GRIA2: variants seen among roughly 807,000 people sequenced by gnomAD.
GRIA2 encodes the protein glutamate ionotropic receptor AMPA type subunit 2.
In GRIA2, 14 loss-of-function variants were observed where a neutral mutation model predicts 97.3. The ratio of observed to expected loss-of-function variants is 0.14; its 90% CI spans 0.10 to 0.23. The LOEUF is 0.23. Among genes scored for constraint, GRIA2 ranks in the 10% least tolerant of loss-of-function variants. The pLI, the probability that GRIA2 is intolerant of heterozygous loss-of-function variation, is 1.00. For missense variants in GRIA2, 558 were observed against 1,069.8 expected (o/e 0.52, Z 6.67); for synonymous variants, 412 against 387.8 (o/e 1.06, Z -0.73).
At chr4:157,299,783 A>G (rs1733532321) in intron 2 of GRIA2, among the ~76,000 whole-genome samples, 1 of 152,198 alleles carries the variant, frequency 6.6e-6, no homozygotes, top group Non-Finnish European at 1.5e-5. Flanking sequence ...TGAGTTTCTC[A>G]AAGTTGATAT....
At chr4:157,359,474 A>G (rs979894010) in intron 12 of GRIA2, among the ~76,000 whole-genome samples, 1 of 152,144 alleles carries the variant, frequency 6.6e-6, no homozygotes, top group East Asian at 1.9e-4. Flanking sequence ...CACCACTTAC[A>G]TGCCTGACCA....
At chr4:157,276,604 A>G (rs1396084184) in intron 2 of GRIA2, among the ~76,000 whole-genome samples, 2 of 151,858 alleles carry the variant, frequency 1.3e-5, no homozygotes, top group Admixed American at 6.6e-5. Flanking sequence ...GTGTTTTTTT[A>G]ATTTTTTAAA....
intron 4 of GRIA2, among the ~76,000 whole-genome samples, chr4:157,313,402 T>TAGGA (rs1330298232): frequency 6.6e-6 from 1 of 152,102 alleles, no homozygotes; most frequent in Non-Finnish European, 1.5e-5. Flanking sequence ...TTAAAATATG[T>TAGGA]AGGAAGGACA....
chr4:157,304,488 T>C (rs1478705125), intron 3 of GRIA2, among the ~76,000 whole-genome samples: 1 of 152,200 alleles, frequency 6.6e-6, no homozygotes, highest in East Asian at 1.9e-4. Context: ...GCTTGATTTA[T>C]GTCATAGAAT....
intron 2 of GRIA2, among the ~76,000 whole-genome samples, chr4:157,295,373 T>A (rs1733297946): frequency 6.6e-6 from 1 of 152,138 alleles, no homozygotes; most frequent in Non-Finnish European, 1.5e-5. Flanking sequence ...CATAAATATT[T>A]GTGGCAGAGC....
chr4:157,227,167 GT>G (rs527783805), intron 2 of GRIA2, among the ~76,000 whole-genome samples: 1 of 152,218 alleles, frequency 6.6e-6, no homozygotes, highest in East Asian at 1.9e-4. Flanking sequence ...TGCTATTTCT[GT>G]TTGAAAGTCT....
At chr4:157,272,139 A>G (rs1732054399) in intron 2 of GRIA2, among the ~76,000 whole-genome samples, 1 of 152,084 alleles carries the variant, frequency 6.6e-6, no homozygotes, top group African/African-American at 2.4e-5. Context: ...ATTTCAAAGC[A>G]ACCCTATGAA....
intron 3 of GRIA2, among the ~76,000 whole-genome samples, chr4:157,310,379 C>G (rs1446351684): frequency 1.3e-5 from 2 of 152,040 alleles, no homozygotes; most frequent in African/African-American, 4.8e-5. Flanking sequence ...GTGGTTCAAT[C>G]TTCCATTCTG....
rs1414443399 is a variant in GRIA2, at chr4:157,266,508, A to G, written c.230-37044A>G. Among the ~76,000 whole-genome samples, 5 of 152,214 alleles carry G rather than the reference A, an allele frequency of 3.3e-5. No individual in the cohort carries two copies. The East Asian group carries it at 9.7e-4, about 30-fold the overall frequency. On this transcript the variant is annotated intron_variant, in intron 2 of 15. Transcript: ENST00000264426. ...CAGTAGGTTATGAGGATCTCTGTGGAATGCTGCTGAGAGGTCAGTTTGTTA... is the reference window on the plus strand; with the variant it reads ...CAGTAGGTTATGAGGATCTCTGTGGGATGCTGCTGAGAGGTCAGTTTGTTA...
At chr4:157,318,392 A>G (rs996213621) in intron 5 of GRIA2, among the ~76,000 whole-genome samples, 1 of 152,152 alleles carries the variant, frequency 6.6e-6, no homozygotes, top group Non-Finnish European at 1.5e-5. Context: ...ATGACTTCCT[A>G]CTTACTATGT....
intron 2 of GRIA2, among the ~76,000 whole-genome samples, chr4:157,284,427 A>G (rs1732746944): frequency 6.6e-6 from 1 of 151,778 alleles, no homozygotes; most frequent in Non-Finnish European, 1.5e-5. Context: ...TGCTCTCCAA[A>G]GCATCCATTA....
At chr4:157,245,663 A>G (rs140566956) in intron 2 of GRIA2, among the ~76,000 whole-genome samples, 3 of 152,248 alleles carry the variant, frequency 2.0e-5, no homozygotes, top group Non-Finnish European at 4.4e-5. Context: ...AAGGCAATAA[A>G]TTATCAGTAT....
chr4:157,335,099 T>C (rs1560771656), intron 9 of GRIA2: 1 of 155,346 alleles, frequency 6.4e-6, no homozygotes. Context: ...GCTATCCTTG[T>C]AGCATCATTC....
At chr4:157,333,146 T>C in intron 7 of GRIA2, 103 bp from the exon 8 acceptor site, 1 of 897,168 alleles carries the variant, frequency 1.1e-6, no homozygotes, top group Admixed American at 2.7e-5. Context: ...CAAATATTAT[T>C]GATGTAGTTT....
At chr4:157,281,330 T>G (rs1433891988) in intron 2 of GRIA2, among the ~76,000 whole-genome samples, 1 of 152,150 alleles carries the variant, frequency 6.6e-6, no homozygotes, top group Non-Finnish European at 1.5e-5. Context: ...GTCCTGTTTT[T>G]TGGGTACTCG....
intron 2 of GRIA2, among the ~76,000 whole-genome samples, chr4:157,243,638 G>T (rs1299074760): frequency 1.3e-5 from 2 of 152,100 alleles, no homozygotes; most frequent in Non-Finnish European, 2.9e-5. Flanking sequence ...GTTATCATAG[G>T]TTTTTTCCAC....
rs137954500 is a variant in GRIA2 at position 157,247,872 on chromosome 4, A to G, written c.229+26065A>G. On this transcript the variant is annotated intron_variant, in intron 2 of 15. Coordinates refer to ENST00000264426, the MANE Select transcript of GRIA2 (RefSeq NM_001083619.3). ...GGGCGTCACCATGCAGACAGCATCA[A>G]CACTTTTCTGGAAGAGACGCTTAAG... Among the ~76,000 whole-genome samples the G allele has an allele frequency of 5.3e-5, 8 of 152,190 alleles. No individual in the cohort carries two copies. In the East Asian group the frequency reaches 1.2e-3, roughly 22 times the overall value.
intron 1 of GRIA2, 99 bp from the exon 2 acceptor site, chr4:157,221,568 G>C: frequency 8.0e-7 from 1 of 1,252,676 alleles, no homozygotes; most frequent in East Asian, 2.3e-5. Flanking sequence ...CTATTCGCGT[G>C]AATAAGAGAC....
At chr4:157,279,541 C>G (rs1442452118) in intron 2 of GRIA2, among the ~76,000 whole-genome samples, 3 of 152,046 alleles carry the variant, frequency 2.0e-5, no homozygotes, top group Non-Finnish European at 4.4e-5. Flanking sequence ...TAATACTACT[C>G]TGATGTGGGA....
Sources: gnomAD v4.1 joint callset for allele counts (sites outside exome capture counted in the v4.1 genomes callset) on GRCh38, gnomAD v4.1.1 for gene constraint, MANE v1.5 for transcripts, NCBI Gene and HGNC (gene_info 2026-07-23, HGNC 2026-07-21) for gene names.